Variants in ZRANB3 observed in about 807,000 individuals in gnomAD.
The protein encoded by ZRANB3 is DNA annealing helicase and endonuclease ZRANB3.
In ZRANB3, 125 loss-of-function variants were observed where a neutral mutation model predicts 133.8. The ratio of observed to expected loss-of-function variants is 0.93; its 90% CI spans 0.81 to 1.08. The LOEUF (loss-of-function observed/expected upper bound fraction) is 1.08. Ranked by LOEUF, ZRANB3 falls within the 50% of genes least tolerant of loss-of-function variation. The probability of loss-of-function intolerance (pLI) is 0.00; values close to 1 mark genes in which losing one functional copy is unlikely to be tolerated. For missense variants in ZRANB3, 1,229 were observed against 1,275.5 expected (o/e 0.96, Z 0.56); for synonymous variants, 387 against 432.7 (o/e 0.89, Z 1.31).
chr2:135,368,109 G>A (rs1021490258), intron 3 of ZRANB3, among the ~76,000 whole-genome samples: 11 of 152,014 alleles, frequency 7.2e-5, no homozygotes, highest in African/African-American at 2.7e-4. Flanking sequence ...AACTGATAAT[G>A]TCATCACATG....
intron 12 of ZRANB3, among the ~76,000 whole-genome samples, chr2:135,246,778 G>A (rs1695821165): frequency 6.6e-6 from 1 of 152,170 alleles, no homozygotes; most frequent in Middle Eastern, 3.2e-3. Context: ...TGCTTTTGGT[G>A]AGAAGTGCTG....
At chr2:135,205,746 A>G (rs1693828709) in intron 19 of ZRANB3, among the ~76,000 whole-genome samples, 1 of 152,206 alleles carries the variant, frequency 6.6e-6, no homozygotes, top group South Asian at 2.1e-4. Context: ...TATAAATAAT[A>G]ATTTGTCATA....
intron 3 of ZRANB3, among the ~76,000 whole-genome samples, chr2:135,380,116 C>T (rs577808861): frequency 6.6e-6 from 1 of 152,308 alleles, no homozygotes; most frequent in East Asian, 1.9e-4. Context: ...ACTTAACTAT[C>T]CTAAATATAC....
chr2:135,244,385 C>T (rs931961498), intron 12 of ZRANB3, among the ~76,000 whole-genome samples: 1 of 152,152 alleles, frequency 6.6e-6, no homozygotes, highest in Admixed American at 6.6e-5. Context: ...GCGGGCAGAT[C>T]ACTTGAGGTC....
At chr2:135,355,002 C>A (rs541232782) in intron 3 of ZRANB3, among the ~76,000 whole-genome samples, 1 of 151,826 alleles carries the variant, frequency 6.6e-6, no homozygotes, top group African/African-American at 2.4e-5. Flanking sequence ...GTTTACCAGA[C>A]TATACAAAGA....
intron 2 of ZRANB3, among the ~76,000 whole-genome samples, chr2:135,415,403 C>T (rs976402905): frequency 4.6e-5 from 7 of 152,076 alleles, no homozygotes; most frequent in African/African-American, 1.2e-4. Context: ...CAAGACTAAA[C>T]CAGGAAGAAG....
At chr2:135,401,043 G>A (rs925915294) in intron 2 of ZRANB3, among the ~76,000 whole-genome samples, 2 of 152,086 alleles carry the variant, frequency 1.3e-5, no homozygotes, top group Admixed American at 6.6e-5. Context: ...TTTGCATTTA[G>A]GATTATATGA....
At chr2:135,403,632 C>G (rs984768383) in intron 2 of ZRANB3, among the ~76,000 whole-genome samples, 4 of 152,248 alleles carry the variant, frequency 2.6e-5, no homozygotes, top group African/African-American at 9.6e-5. Flanking sequence ...AGCTGGAGAT[C>G]TGAGAACAGA....
chr2:135,318,282 CAGG>C (rs1683357869), intron 6 of ZRANB3, among the ~76,000 whole-genome samples: 1 of 145,426 alleles, frequency 6.9e-6, no homozygotes, highest in Non-Finnish European at 1.5e-5. Context: ...TACACAAAAG[CAGG>C]AGATTCTGAG....
At chr2:135,405,908 G>T (rs1298157273) in intron 2 of ZRANB3, among the ~76,000 whole-genome samples, 1 of 152,188 alleles carries the variant, frequency 6.6e-6, no homozygotes, top group Non-Finnish European at 1.5e-5. Context: ...ACAATTAAAA[G>T]AAGTAGAGAA....
At chr2:135,225,460 A>G (rs1309714132) in intron 14 of ZRANB3, among the ~76,000 whole-genome samples, 1 of 152,228 alleles carries the variant, frequency 6.6e-6, no homozygotes, top group Non-Finnish European at 1.5e-5. Flanking sequence ...TGTAAATTCA[A>G]AAACGCACTT....
intron 3 of ZRANB3, among the ~76,000 whole-genome samples, chr2:135,362,611 C>A (rs187330342): frequency 2.6e-4 from 40 of 152,280 alleles, no homozygotes; most frequent in Non-Finnish European, 3.8e-4. Flanking sequence ...AGGGAGAAGG[C>A]TCTGGAATGG....
intron 6 of ZRANB3, among the ~76,000 whole-genome samples, chr2:135,337,148 C>G (rs1684405144): frequency 1.3e-5 from 2 of 152,138 alleles, no homozygotes; most frequent in Non-Finnish European, 2.9e-5. Context: ...AAAAAGCTTG[C>G]CTAATCTAAA....
intron 12 of ZRANB3, among the ~76,000 whole-genome samples, chr2:135,243,052 A>G (rs79179796): frequency 0.017 from 2,528 of 152,272 alleles, 66 homozygotes; most frequent in African/African-American, 0.056. Flanking sequence ...TTATCCACTG[A>G]TATTTAATAA....
At chr2:135,263,942 A>ATT (rs778377579) in intron 12 of ZRANB3, among the ~76,000 whole-genome samples, 1 of 139,306 alleles carries the variant, frequency 7.2e-6, no homozygotes, top group Non-Finnish European at 1.6e-5. Context: ...CGCCCGGCTA[A>ATT]TTTTTTTTTT....
intron 9 of ZRANB3, among the ~76,000 whole-genome samples, chr2:135,272,717 A>G (rs1680591054): frequency 6.6e-6 from 1 of 152,068 alleles, no homozygotes; most frequent in Non-Finnish European, 1.5e-5. Flanking sequence ...CACATTATTA[A>G]ACTTTAAAGA....
intron 3 of ZRANB3, among the ~76,000 whole-genome samples, chr2:135,355,476 C>T (rs1290494750): frequency 6.6e-6 from 1 of 152,014 alleles, no homozygotes; most frequent in Non-Finnish European, 1.5e-5. Flanking sequence ...ATTATCCTGC[C>T]TCAGCCTCTG....
chr2:135,319,542 A>T (rs1233263106), intron 6 of ZRANB3, among the ~76,000 whole-genome samples: 1 of 149,376 alleles, frequency 6.7e-6, no homozygotes, highest in African/African-American at 2.4e-5. Flanking sequence ...AATTTGAAAA[A>T]AATCTCTATC....
At chr2:135,329,462 C>T (rs1441740234) in intron 6 of ZRANB3, among the ~76,000 whole-genome samples, 1 of 152,124 alleles carries the variant, frequency 6.6e-6, no homozygotes, top group African/African-American at 2.4e-5. Context: ...GTTACTGTAG[C>T]CTTACAGCAT....
Sources: gnomAD v4.1 joint callset for allele counts (sites outside exome capture counted in the v4.1 genomes callset) on GRCh38, gnomAD v4.1.1 for gene constraint, MANE v1.5 for transcripts, NCBI Gene and HGNC (gene_info 2026-07-23, HGNC 2026-07-21) for gene names.